Variants in SLC39A11 observed in about 807,000 individuals in gnomAD.
SLC39A11 encodes zinc transporter ZIP11.
In SLC39A11, 33 loss-of-function variants were observed where a neutral mutation model predicts 36.1. The ratio of observed to expected loss-of-function variants is 0.91; its 90% CI spans 0.69 to 1.22. The LOEUF is 1.22. Among genes scored for constraint, SLC39A11 ranks in the 50% most tolerant of loss-of-function variants. The probability of loss-of-function intolerance (pLI) is 0.00; values close to 1 mark genes in which losing one functional copy is unlikely to be tolerated. For missense variants in SLC39A11, 432 were observed against 430.3 expected, an observed-to-expected ratio of 1.00 and a Z score of -0.03; for synonymous variants, 166 against 170.3, an observed-to-expected ratio of 0.97 and a Z score of 0.20.
intron 5 of SLC39A11, among the ~76,000 whole-genome samples, chr17:72,878,277 C>T (rs536146195): frequency 4.6e-5 from 7 of 152,192 alleles, no homozygotes; most frequent in East Asian, 1.9e-4. Context: ...CTCTGTCAAC[C>T]GACACTGTCA....
chr17:72,754,039 TATATATACACATACACACACAC>T lies in SLC39A11; in HGVS notation c.602-17342_602-17321del, dbSNP rs1182580760. On this transcript the variant is annotated intron_variant, in intron 6 of 9. Transcript: ENST00000255559. ...ATATATGTATATATATATATATATA[TATATATACACATACACACACAC>T]ACACACACACACACACACACACACA... Among the ~76,000 whole-genome samples the T allele has an allele frequency of 2.8e-3, 309 of 109,730 alleles. 1 individual carries two copies. The highest frequency in any genetic ancestry group is 0.013 in the Middle Eastern group (3 of 232). 72.0% of individuals were successfully genotyped at this position (109,730 alleles called of 152,430 possible).
intron 3 of SLC39A11, among the ~76,000 whole-genome samples, chr17:73,060,117 G>A (rs2059793427): frequency 6.6e-6 from 1 of 150,728 alleles, no homozygotes; most frequent in South Asian, 2.1e-4. Flanking sequence ...GCTAAGGCAG[G>A]AGAATTCGCC....
chr17:72,807,230 T>C (rs749112719), intron 6 of SLC39A11, among the ~76,000 whole-genome samples: 5 of 152,208 alleles, frequency 3.3e-5, no homozygotes, highest in Non-Finnish European at 7.3e-5. Context: ...GTTTCTGTTA[T>C]CTCCAAATTA....
At chr17:72,841,663 T>A (rs962826053) in intron 6 of SLC39A11, among the ~76,000 whole-genome samples, 1 of 152,148 alleles carries the variant, frequency 6.6e-6, no homozygotes, top group African/African-American at 2.4e-5. Context: ...GTCAATAATA[T>A]AATAATTGTA....
chr17:72,856,976 CT>C (rs1278523078), intron 5 of SLC39A11, among the ~76,000 whole-genome samples: 1 of 152,168 alleles, frequency 6.6e-6, no homozygotes, highest in Non-Finnish European at 1.5e-5. Flanking sequence ...CCACCACATT[CT>C]TTTTTAAAAA....
At chr17:73,057,108 GC>G (rs1345129096) in intron 3 of SLC39A11, among the ~76,000 whole-genome samples, 1 of 152,042 alleles carries the variant, frequency 6.6e-6, no homozygotes, top group Non-Finnish European at 1.5e-5. Flanking sequence ...CTGCAACCAT[GC>G]CCAGTTAATT....
In SLC39A11 at chr17:72,951,097, T is replaced by TAAAA. The variant is rs761429572; in HGVS notation, c.307-3226_307-3223dup. On this transcript the variant is annotated intron_variant, in intron 4 of 9. Coordinates refer to ENST00000255559, the MANE Select transcript of SLC39A11 (RefSeq NM_139177.4). ...GGCAACATAGTGAGGCCCCATTTCT[T>TAAAA]AAAAAAAAAAAAAATTAGCCAGGTA... Among the ~76,000 whole-genome samples the TAAAA allele has an allele frequency of 8.8e-4, 123 of 139,468 alleles. 1 individual carries two copies. The highest frequency in any genetic ancestry group is 1.8e-3 in the South Asian group (8 of 4,462). The allele number at this position is 139,468 out of a possible 152,430, so 91.5% of individuals were successfully genotyped here.
intron 6 of SLC39A11, among the ~76,000 whole-genome samples, chr17:72,778,578 A>C (rs528044841): frequency 6.6e-6 from 1 of 152,264 alleles, no homozygotes. Context: ...TTACTGTGTG[A>C]CAACACAAAA....
intron 7 of SLC39A11, among the ~76,000 whole-genome samples, chr17:72,683,930 C>A (rs950153078): frequency 1.3e-5 from 2 of 152,050 alleles, no homozygotes; most frequent in Non-Finnish European, 2.9e-5. Context: ...GGGGAATCAC[C>A]CTGCCTGACC....
At chr17:72,817,967 C>T (rs894238282) in intron 6 of SLC39A11, 8 of 152,156 alleles carry the variant, frequency 5.3e-5, no homozygotes, top group Admixed American at 4.6e-4. Flanking sequence ...GAGAGACATG[C>T]CAAGCAAAGA....
At chr17:72,800,113 C>T (rs2077033955) in intron 6 of SLC39A11, among the ~76,000 whole-genome samples, 1 of 151,932 alleles carries the variant, frequency 6.6e-6, no homozygotes, top group African/African-American at 2.4e-5. Flanking sequence ...GCAGGTTCCC[C>T]CAATACATGT....
chr17:72,933,412 A>C (rs145856799), intron 5 of SLC39A11, among the ~76,000 whole-genome samples: 1 of 152,208 alleles, frequency 6.6e-6, no homozygotes, highest in Non-Finnish European at 1.5e-5. Flanking sequence ...GAAATCAAAG[A>C]CTTTGGAGAA....
intron 5 of SLC39A11, among the ~76,000 whole-genome samples, chr17:72,903,519 ACT>A (rs753520257): frequency 6.6e-6 from 1 of 151,772 alleles, no homozygotes; most frequent in South Asian, 2.1e-4. Flanking sequence ...AGCCACTGTG[ACT>A]CTCTCAAAGG....
At chr17:72,948,416 C>T (rs1294842474) in intron 4 of SLC39A11, among the ~76,000 whole-genome samples, 1 of 145,150 alleles carries the variant, frequency 6.9e-6, no homozygotes, top group Non-Finnish European at 1.5e-5. Context: ...TCATCACTGC[C>T]GGGCAAATGA....
chr17:72,816,987 G>T (rs1018543240), intron 6 of SLC39A11, among the ~76,000 whole-genome samples: 1 of 152,062 alleles, frequency 6.6e-6, no homozygotes, highest in African/African-American at 2.4e-5. Context: ...TACTTCCAGG[G>T]TGCTTGATAT....
chr17:72,870,248 T>C (rs901522644), intron 5 of SLC39A11, among the ~76,000 whole-genome samples: 4 of 152,122 alleles, frequency 2.6e-5, no homozygotes, highest in East Asian at 1.9e-4. Context: ...TGCCAATCCA[T>C]GCTAAGGTCT....
At chr17:72,733,622 A>C (rs1163992880) in intron 7 of SLC39A11, among the ~76,000 whole-genome samples, 2 of 152,176 alleles carry the variant, frequency 1.3e-5, no homozygotes, top group East Asian at 3.9e-4. Context: ...ATGCGGCCTT[A>C]TTCAATGCTG....
chr17:72,918,431 G>A (rs1340102882), intron 5 of SLC39A11, among the ~76,000 whole-genome samples: 1 of 152,002 alleles, frequency 6.6e-6, no homozygotes, highest in Non-Finnish European at 1.5e-5. Flanking sequence ...AAAGAAAAGA[G>A]CACTGAACTG....
chr17:72,743,903 C>T (rs1209630024), intron 6 of SLC39A11, among the ~76,000 whole-genome samples: 1 of 152,186 alleles, frequency 6.6e-6, no homozygotes. Context: ...AACTGCCTGG[C>T]CTGGGTTAGT....
Sources: gnomAD v4.1 joint callset for allele counts (sites outside exome capture counted in the v4.1 genomes callset) on GRCh38, gnomAD v4.1.1 for gene constraint, MANE v1.5 for transcripts, NCBI Gene and HGNC (gene_info 2026-07-23, HGNC 2026-07-21) for gene names.